Variants in GPR158 observed in about 807,000 individuals in gnomAD.
GPR158 encodes metabotropic glycine receptor.
GPR158 carries 30 observed loss-of-function variants against 78.2 expected under a neutral mutation model. That is an observed-to-expected ratio of 0.38 (90% CI 0.29 to 0.52). The LOEUF is 0.52. GPR158 is among the 20% of genes least tolerant of loss of function. The probability of loss-of-function intolerance (pLI) is 0.83; values close to 1 mark genes in which losing one functional copy is unlikely to be tolerated. For synonymous variants in GPR158, 581 were observed against 591.1 expected, an observed-to-expected ratio of 0.98 and a Z score of 0.25; for missense variants, 1,463 against 1,523.5, an observed-to-expected ratio of 0.96 and a Z score of 0.66.
At chr10:25,585,154 A>G (rs1185850365) in intron 7 of GPR158, among the ~76,000 whole-genome samples, 1 of 152,228 alleles carries the variant, frequency 6.6e-6, no homozygotes, top group Non-Finnish European at 1.5e-5. Flanking sequence ...CCCTTATGCA[A>G]GCAAATAGAA....
At chr10:25,595,073 T>C (rs1229604122) in intron 9 of GPR158, among the ~76,000 whole-genome samples, 2 of 152,192 alleles carry the variant, frequency 1.3e-5, no homozygotes, top group Admixed American at 6.5e-5. Context: ...TCATTGTTAT[T>C]ATTTTCCTCT....
At chr10:25,384,193 TAA>T (rs1777453919) in intron 2 of GPR158, among the ~76,000 whole-genome samples, 1 of 152,158 alleles carries the variant, frequency 6.6e-6, no homozygotes, top group Admixed American at 6.5e-5. Context: ...TTTGTAGAGT[TAA>T]GTCTATATTT....
chr10:25,190,062 A>C (rs1852752949), intron 1 of GPR158, among the ~76,000 whole-genome samples: 1 of 152,110 alleles, frequency 6.6e-6, no homozygotes, highest in South Asian at 2.1e-4. Flanking sequence ...AGTTCTGATG[A>C]AACTGAACTA....
intron 2 of GPR158, among the ~76,000 whole-genome samples, chr10:25,390,358 T>C (rs1834277616): frequency 6.6e-6 from 1 of 152,198 alleles, no homozygotes; most frequent in Non-Finnish European, 1.5e-5. Flanking sequence ...TAGAGACTTG[T>C]TGAATGGTTT....
chr10:25,353,677 G>A (rs1855506889), intron 2 of GPR158, among the ~76,000 whole-genome samples: 1 of 152,056 alleles, frequency 6.6e-6, no homozygotes, highest in African/African-American at 2.4e-5. Flanking sequence ...TGATTTACCA[G>A]TGTTCACTTT....
chr10:25,506,823 C>T (rs896446152), intron 5 of GPR158, among the ~76,000 whole-genome samples: 48 of 152,294 alleles, frequency 3.2e-4, no homozygotes, highest in African/African-American at 1.1e-3. Context: ...TTTCTTGCAA[C>T]TTAGCTTTTG....
chr10:25,233,221 C>T (rs1853476605), intron 2 of GPR158, among the ~76,000 whole-genome samples: 1 of 152,178 alleles, frequency 6.6e-6, no homozygotes, highest in Non-Finnish European at 1.5e-5. Flanking sequence ...TATAGCTCTT[C>T]AGGAAAGAGG....
intron 5 of GPR158, among the ~76,000 whole-genome samples, chr10:25,502,666 C>G (rs529606311): frequency 6.6e-6 from 1 of 152,270 alleles, no homozygotes; most frequent in Non-Finnish European, 1.5e-5. Context: ...CCCAAGGACA[C>G]CATCTATAGG....
At position 25,599,427 on chromosome 10, in the gene GPR158, G is replaced by T. The variant is rs756742627; in HGVS notation, c.*153G>T. 4 of 622,788 alleles carry T rather than the reference G, an allele frequency of 6.4e-6. No homozygotes were observed. Among genetic ancestry groups the T allele is most frequent in the South Asian group, 2.1e-5 (1 of 47,806 alleles). The allele number at this position is 622,788 out of a possible 1,614,324, so 38.6% of individuals were successfully genotyped here. On this transcript the variant is annotated 3_prime_UTR_variant, in exon 11 of 11. Coordinates refer to ENST00000376351, the MANE Select transcript of GPR158 (RefSeq NM_020752.3). The stretch of plus-strand genomic sequence containing the variant: ...AAAGGCATGGGTAGAAGAGGACCAG[G>T]GGGGCAAGAGCAACAACGTCATAAT...
intron 5 of GPR158, among the ~76,000 whole-genome samples, chr10:25,529,035 C>A (rs556382471): frequency 1.3e-5 from 2 of 152,262 alleles, no homozygotes; most frequent in South Asian, 4.1e-4. Context: ...TTTCAACGAA[C>A]GGTGCTGAAA....
chr10:25,206,873 A>T (rs185005789), intron 1 of GPR158, among the ~76,000 whole-genome samples: 377 of 150,524 alleles, frequency 2.5e-3, no homozygotes, highest in Non-Finnish European at 4.2e-3. Flanking sequence ...TAACAAGCTT[A>T]TTCTTGACTA....
chr10:25,278,911 TA>T (rs1854225452), intron 2 of GPR158, among the ~76,000 whole-genome samples: 1 of 151,768 alleles, frequency 6.6e-6, no homozygotes, highest in Admixed American at 6.6e-5. Context: ...ATATAAGAAA[TA>T]GATAAAATAA....
intron 5 of GPR158, among the ~76,000 whole-genome samples, chr10:25,548,615 AG>A (rs1836693901): frequency 3.9e-5 from 6 of 152,172 alleles, no homozygotes; most frequent in Admixed American, 3.9e-4. Context: ...AAACTGTGGA[AG>A]CCCCACAACT....
intron 5 of GPR158, among the ~76,000 whole-genome samples, chr10:25,497,903 A>C (rs1015929386): frequency 2.0e-5 from 3 of 152,188 alleles, no homozygotes; most frequent in African/African-American, 7.2e-5. Context: ...TAATATTATC[A>C]GTATCACTAA....
At chr10:25,230,705 T>A (rs1853436051) in intron 2 of GPR158, among the ~76,000 whole-genome samples, 1 of 152,234 alleles carries the variant, frequency 6.6e-6, no homozygotes, top group African/African-American at 2.4e-5. Context: ...TGCAGAAGGC[T>A]CTGTTTACCT....
In GPR158 at chr10:25,598,461, C is replaced by A; in HGVS notation, c.2835C>A (p.His945Gln). ...AAGATAAAGAGACAAACAGAAATCACTCAAATTCTGATAACACAGAGACTA... is the reference window on the plus strand; with the variant it reads ...AAGATAAAGAGACAAACAGAAATCAATCAAATTCTGATAACACAGAGACTA... ...LPKDKETNRN[H>Q]SNSDNTETKD... The change falls in exon 11 of 11, where the codon CAC (histidine) becomes CAA (glutamine). Residue 945 changes from histidine to glutamine, a missense_variant. Coordinates refer to ENST00000376351, the MANE Select transcript of GPR158 (RefSeq NM_020752.3). 1 of 1,614,066 alleles carries A rather than the reference C, an allele frequency of 6.2e-7. No homozygotes were observed. Among genetic ancestry groups the A allele is most frequent in the Non-Finnish European group, 8.5e-7 (1 of 1,179,992 alleles).
chr10:25,468,704 C>G (rs943800773), intron 5 of GPR158, among the ~76,000 whole-genome samples: 3 of 152,190 alleles, frequency 2.0e-5, no homozygotes, highest in Non-Finnish European at 4.4e-5. Context: ...AGTAACATGT[C>G]TGAAACCAGA....
At chr10:25,194,915 G>T (rs899609421) in intron 1 of GPR158, among the ~76,000 whole-genome samples, 1 of 151,878 alleles carries the variant, frequency 6.6e-6, no homozygotes, top group African/African-American at 2.4e-5. Flanking sequence ...GATAATTAAA[G>T]ATAATAACAT....
chr10:25,224,817 A>C (rs551163613), intron 2 of GPR158, among the ~76,000 whole-genome samples: 5 of 152,146 alleles, frequency 3.3e-5, no homozygotes, highest in African/African-American at 1.2e-4. Flanking sequence ...CTTGATGTCA[A>C]TTGGTCCTCG....
Sources: allele counts gnomAD v4.1 joint callset (sites outside exome capture counted in the v4.1 genomes callset), GRCh38; gene constraint gnomAD v4.1.1; transcripts MANE v1.5; gene names NCBI Gene and HGNC (gene_info 2026-07-23, HGNC 2026-07-21).